The following MACROD2 variants were observed in gnomAD, a reference collection of about 807,000 sequenced individuals.
MACROD2 encodes the protein ADP-ribose glycohydrolase MACROD2.
Under a neutral mutation model 70.4 loss-of-function variants are expected in MACROD2, and 36 were observed. The observed-to-expected ratio is 0.51, with a 90% CI of 0.39 to 0.68. The LOEUF is 0.68. MACROD2 is among the 30% of genes least tolerant of loss of function. MACROD2 has a pLI of 0.00. For synonymous variants in MACROD2, 172 were observed against 178.8 expected, an observed-to-expected ratio of 0.96 and a Z score of 0.30; for missense variants, 496 against 538.4, an observed-to-expected ratio of 0.92 and a Z score of 0.78.
At chr20:14,542,828 G>T (rs1372512231) in intron 4 of MACROD2, among the ~76,000 whole-genome samples, 1 of 152,096 alleles carries the variant, frequency 6.6e-6, no homozygotes, top group Admixed American at 6.5e-5. Context: ...TTTATAATAG[G>T]ATATAGGGTA....
intron 8 of MACROD2, among the ~76,000 whole-genome samples, chr20:15,702,910 C>A (rs879279061): frequency 6.6e-6 from 1 of 152,158 alleles, no homozygotes; most frequent in Non-Finnish European, 1.5e-5. Flanking sequence ...CCACAGTAAC[C>A]TAAACATCAT....
At chr20:14,486,916 A>G (rs115007761) in intron 3 of MACROD2, among the ~76,000 whole-genome samples, 4,092 of 152,010 alleles carry the variant, frequency 0.027, 193 homozygotes, top group African/African-American at 0.094. Flanking sequence ...ATGGGCTTAC[A>G]TAATTATTTT....
chr20:15,282,868 T>C (rs2077457839), intron 6 of MACROD2, among the ~76,000 whole-genome samples: 1 of 152,188 alleles, frequency 6.6e-6, no homozygotes, highest in South Asian at 2.1e-4. Context: ...TCCTTTCTTA[T>C]GCCGCTATGA....
chr20:15,256,647 T>A (rs2077202039), intron 6 of MACROD2, among the ~76,000 whole-genome samples: 1 of 152,044 alleles, frequency 6.6e-6, no homozygotes, highest in South Asian at 2.1e-4. Flanking sequence ...AAAATAAATG[T>A]TCCAGCCAGC....
Position 15,087,554 on chromosome 20 carries a change from A to G in MACROD2, c.419-142386A>G, listed in dbSNP as rs2075758036. On this transcript the variant is annotated intron_variant, in intron 5 of 17. Coordinates refer to ENST00000684519, the MANE Select transcript of MACROD2 (RefSeq NM_001351661.2). ...GCAGAGCTATGTCTTGCCTCATATC[A>G]GAGATGGATTAAATACCTAAATTGT... 2.0e-5 allele frequency among the ~76,000 whole-genome samples: 3 copies of G among 152,068 alleles called. 1 individual carries two copies. In the South Asian group the frequency reaches 6.2e-4, roughly 31 times the overall value.
chr20:14,541,346 C>G (rs1228879835), intron 4 of MACROD2, among the ~76,000 whole-genome samples: 1 of 152,030 alleles, frequency 6.6e-6, no homozygotes, highest in Non-Finnish European at 1.5e-5. Flanking sequence ...TTTTAGTGCT[C>G]CCTCTCTGTT....
At chr20:15,752,866 A>C (rs928297854) in intron 8 of MACROD2, among the ~76,000 whole-genome samples, 16 of 152,260 alleles carry the variant, frequency 1.1e-4, no homozygotes, top group African/African-American at 3.6e-4. Flanking sequence ...CCGGTCTTAG[A>C]GATGAGAGGA....
chr20:14,892,085 T>A (rs1234477560), intron 5 of MACROD2, among the ~76,000 whole-genome samples: 1 of 152,216 alleles, frequency 6.6e-6, no homozygotes, highest in Non-Finnish European at 1.5e-5. Context: ...GTTTCGATAG[T>A]TGTCCTTTCT....
intron 3 of MACROD2, among the ~76,000 whole-genome samples, chr20:14,314,939 C>A (rs1475419148): frequency 6.6e-6 from 1 of 152,052 alleles, no homozygotes; most frequent in African/African-American, 2.4e-5. Context: ...GAAAAGTTGA[C>A]CAAGGCCATA....
rs1365275907 is a variant in MACROD2, at chr20:14,463,963, A to G, written c.272-29516A>G. On this transcript the variant is annotated intron_variant, in intron 3 of 17. Coordinates refer to ENST00000684519, the MANE Select transcript of MACROD2 (RefSeq NM_001351661.2). ...GTATTTTATTGAGGATTTTTGCATC[A>G]ATGTTCATCAAGGATATTGGTCTAA... Among the ~76,000 whole-genome samples the G allele has an allele frequency of 2.6e-5, 4 of 151,516 alleles. No homozygotes were observed. The East Asian group carries it at 7.7e-4, about 29-fold the overall frequency.
At chr20:14,802,053 A>G (rs2072582928) in intron 5 of MACROD2, among the ~76,000 whole-genome samples, 1 of 152,056 alleles carries the variant, frequency 6.6e-6, no homozygotes, top group South Asian at 2.1e-4. Flanking sequence ...TGTCTTTATC[A>G]AATTACAGAA....
chr20:14,019,666 T>C lies in MACROD2; in HGVS notation c.163+17262T>C, dbSNP rs546203133. Among the ~76,000 whole-genome samples the C allele has an allele frequency of 5.9e-5, 9 of 152,078 alleles. No homozygotes were observed. In the East Asian group the frequency reaches 1.7e-3, roughly 29 times the overall value. On this transcript the variant is annotated intron_variant, in intron 2 of 17. Coordinates refer to ENST00000684519, the MANE Select transcript of MACROD2 (RefSeq NM_001351661.2). ...GGATGAAATATAGGGGTGTGGAAAA[T>C]GGTCCTCATGTGCTGAGTCTGCCAC...
intron 5 of MACROD2, among the ~76,000 whole-genome samples, chr20:14,796,118 C>G (rs1036400852): frequency 2.6e-5 from 4 of 152,050 alleles, no homozygotes; most frequent in Admixed American, 2.6e-4. Flanking sequence ...CAACTTTTGT[C>G]AAGTCTGAGG....
At chr20:14,486,079 C>T (rs971329858) in intron 3 of MACROD2, among the ~76,000 whole-genome samples, 12 of 151,998 alleles carry the variant, frequency 7.9e-5, no homozygotes, top group South Asian at 2.1e-4. Context: ...AGTCAAATTA[C>T]GATAATTCAA....
intron 8 of MACROD2, among the ~76,000 whole-genome samples, chr20:15,506,584 G>C (rs187197863): frequency 6.6e-6 from 1 of 151,744 alleles, no homozygotes; most frequent in Non-Finnish European, 1.5e-5. Context: ...ATGGATCACC[G>C]AAAAAAAACC....
At chr20:15,479,170 A>T (rs987149378) in intron 7 of MACROD2, among the ~76,000 whole-genome samples, 57 of 152,136 alleles carry the variant, frequency 3.7e-4, no homozygotes, top group Non-Finnish European at 7.5e-4. Context: ...CTAGACAGGA[A>T]AATGTGAGGA....
chr20:15,816,751 G>A (rs2063880369), intron 8 of MACROD2, among the ~76,000 whole-genome samples: 1 of 152,182 alleles, frequency 6.6e-6, no homozygotes, highest in Non-Finnish European at 1.5e-5. Flanking sequence ...ACGATGGTAA[G>A]TCCAGATGCA....
intron 6 of MACROD2, among the ~76,000 whole-genome samples, chr20:15,281,182 G>T (rs1032848872): frequency 2.0e-5 from 3 of 152,170 alleles, no homozygotes; most frequent in African/African-American, 7.2e-5. Context: ...CACTTGACAT[G>T]TAGGGATTGT....
intron 5 of MACROD2, among the ~76,000 whole-genome samples, chr20:14,701,362 C>T (rs6042865): frequency 0.017 from 2,562 of 152,244 alleles, 74 homozygotes; most frequent in African/African-American, 0.057. Flanking sequence ...GAAAGCCTTG[C>T]ATGTTTTCCA....
Sources: allele counts gnomAD v4.1 joint callset (sites outside exome capture counted in the v4.1 genomes callset), GRCh38; gene constraint gnomAD v4.1.1; transcripts MANE v1.5; gene names NCBI Gene and HGNC (gene_info 2026-07-23, HGNC 2026-07-21).